The following KLRG1 variants were observed in gnomAD, a reference collection of about 807,000 sequenced individuals.
KLRG1 encodes killer cell lectin-like receptor subfamily G member 1.
A neutral mutation model predicts 21.8 loss-of-function variants in KLRG1; 16 were observed. The observed-to-expected ratio is 0.73, with a 90% CI of 0.50 to 1.11. The LOEUF (loss-of-function observed/expected upper bound fraction) is 1.11, where lower values mean the gene tolerates loss of function less well. KLRG1 is among the 50% of genes most tolerant of loss of function. KLRG1 has a pLI of 0.00. For synonymous variants in KLRG1, 69 were observed against 75.9 expected, an observed-to-expected ratio of 0.91 and a Z score of 0.47; for missense variants, 173 against 218.3, an observed-to-expected ratio of 0.79 and a Z score of 1.31.
the KLRG1 span, among the ~76,000 whole-genome samples, chr12:9,112,848 G>T: frequency 6.6e-6 from 1 of 152,150 alleles, no homozygotes; most frequent in African/African-American, 2.4e-5. Flanking sequence ...TGCTAAAAGG[G>T]CATGGTCGAA....
downstream of KLRG1, among the ~76,000 whole-genome samples, chr12:9,011,880 C>T (rs779817992): frequency 1.3e-5 from 2 of 152,066 alleles, no homozygotes; most frequent in African/African-American, 4.8e-5. Flanking sequence ...AAGCAGATAG[C>T]GACATGGGAC....
chr12:9,109,204 C>A, the KLRG1 span: 1 of 710,418 alleles, frequency 1.4e-6, no homozygotes, highest in South Asian at 1.8e-5. Flanking sequence ...AGGATGCTGT[C>A]AAAGCACTTA....
At chr12:8,979,321 C>T (rs2137282211) in intron 1 of KLRG1, among the ~76,000 whole-genome samples, 1 of 152,184 alleles carries the variant, frequency 6.6e-6, no homozygotes, top group African/African-American at 2.4e-5. Context: ...CCTGGCCTGT[C>T]CTTCATTTTT....
At chr12:8,996,917 G>A (rs765296474) in intron 3 of KLRG1, among the ~76,000 whole-genome samples, 2 of 152,190 alleles carry the variant, frequency 1.3e-5, no homozygotes. Context: ...ATAAACAGGA[G>A]TCGTGAGTCA....
chr12:9,184,446 T>C, the KLRG1 span, among the ~76,000 whole-genome samples: 1 of 152,236 alleles, frequency 6.6e-6, no homozygotes, highest in East Asian at 1.9e-4. Flanking sequence ...GCATGCACAG[T>C]TGCTAGTGGG....
At chr12:9,018,861 TG>T in the KLRG1 span, among the ~76,000 whole-genome samples, 5 of 152,160 alleles carry the variant, frequency 3.3e-5, no homozygotes, top group Admixed American at 2.0e-4. Flanking sequence ...TCTAGGACAT[TG>T]GTCTGAGCAA....
chr12:9,093,752 T>C, the KLRG1 span, among the ~76,000 whole-genome samples: 4 of 151,500 alleles, frequency 2.6e-5, no homozygotes, highest in Non-Finnish European at 4.4e-5. Context: ...GGAGGAAATA[T>C]GTTGGTTGAC....
chr12:8,984,850 A>G (rs866845256), upstream of KLRG1, among the ~76,000 whole-genome samples: 1 of 152,170 alleles, frequency 6.6e-6, no homozygotes, highest in Non-Finnish European at 1.5e-5. Context: ...ATTAAATGTG[A>G]TGCATTATGG....
the KLRG1 span, chr12:9,066,622 A>G: frequency 6.6e-5 from 10 of 152,314 alleles, no homozygotes; most frequent in Admixed American, 2.0e-4. Context: ...ACTCAGGCAA[A>G]GGTGCCACTA....
At chr12:9,212,281 A>T in the KLRG1 span, among the ~76,000 whole-genome samples, 1 of 152,208 alleles carries the variant, frequency 6.6e-6, no homozygotes, top group South Asian at 2.1e-4. Flanking sequence ...GCCAGTATAC[A>T]GTGCTGTTTT....
the KLRG1 span, chr12:9,068,702 G>A: frequency 6.9e-7 from 1 of 1,451,654 alleles, no homozygotes; most frequent in Non-Finnish European, 9.5e-7. Flanking sequence ...CTGTGATCAG[G>A]AATTAAATAT....
the KLRG1 span, among the ~76,000 whole-genome samples, chr12:9,144,101 T>A: frequency 6.6e-6 from 1 of 152,132 alleles, no homozygotes; most frequent in African/African-American, 2.4e-5. Flanking sequence ...GCTGGATTAG[T>A]GTCCAATATT....
the KLRG1 span, among the ~76,000 whole-genome samples, chr12:9,021,025 C>T: frequency 4.6e-5 from 7 of 151,930 alleles, no homozygotes. Context: ...AATTGTAACA[C>T]AATGGCAAGT....
the KLRG1 span, chr12:9,150,641 C>T: frequency 3.2e-6 from 5 of 1,579,878 alleles, 1 homozygote; most frequent in Non-Finnish European, 4.3e-6. Context: ...TTCTTTCACT[C>T]ACCTGTCTCA....
the KLRG1 span, chr12:9,079,290 A>G: frequency 6.2e-7 from 1 of 1,613,786 alleles, no homozygotes; most frequent in Non-Finnish European, 8.5e-7. Context: ...AAGGTGCTGT[A>G]GGAGCCATCA....
At chr12:9,084,986 T>C in the KLRG1 span, among the ~76,000 whole-genome samples, 1 of 152,136 alleles carries the variant, frequency 6.6e-6, no homozygotes, top group African/African-American at 2.4e-5. Context: ...GATATAACAA[T>C]TGTAAATCTA....
chr12:8,993,513 C>A (rs1386297928), intron 2 of KLRG1, among the ~76,000 whole-genome samples: 2 of 152,108 alleles, frequency 1.3e-5, no homozygotes, highest in East Asian at 3.9e-4. Flanking sequence ...TGGTCTCGAA[C>A]TCCTGACCTT....
At chr12:9,095,821 G>A in the KLRG1 span, 6 of 752,002 alleles carry the variant, frequency 8.0e-6, no homozygotes, top group Admixed American at 3.5e-5. Flanking sequence ...CTGCAGTGGC[G>A]CAATCTCGGC....
chr12:9,100,897 AG>A, the KLRG1 span, among the ~76,000 whole-genome samples: 1 of 152,104 alleles, frequency 6.6e-6, no homozygotes, highest in East Asian at 1.9e-4. Flanking sequence ...TTGTGGATTC[AG>A]GGGGAAGGGT....
Sources: allele counts gnomAD v4.1 joint callset (sites outside exome capture counted in the v4.1 genomes callset), GRCh38; gene constraint gnomAD v4.1.1; transcripts MANE v1.5; gene names NCBI Gene and HGNC (gene_info 2026-07-23, HGNC 2026-07-21).